The following GSG1L variants were observed in gnomAD, a reference collection of about 807,000 sequenced individuals.
GSG1L encodes the protein germ cell-specific gene 1-like protein.
In GSG1L, 24 loss-of-function variants were observed where a neutral mutation model predicts 42.1. That is an observed-to-expected ratio of 0.57 (90% CI 0.41 to 0.80). GSG1L has a LOEUF of 0.80. Among genes scored for constraint, GSG1L ranks in the 30% least tolerant of loss-of-function variants. GSG1L has a pLI of 0.00. For missense variants in GSG1L, 445 were observed against 472.2 expected (o/e 0.94, Z 0.53); for synonymous variants, 215 against 203.5 (o/e 1.06, Z -0.48).
chr16:27,848,307 G>A (rs1318567756), intron 3 of GSG1L, among the ~76,000 whole-genome samples: 1 of 152,164 alleles, frequency 6.6e-6, no homozygotes, highest in Non-Finnish European at 1.5e-5. Context: ...CATTCAATAA[G>A]TGTTTACTGA....
At chr16:27,988,865 T>C (rs372412819) in intron 1 of GSG1L, among the ~76,000 whole-genome samples, 26 of 151,304 alleles carry the variant, frequency 1.7e-4, no homozygotes, top group African/African-American at 5.8e-4. Flanking sequence ...CCATCCTGGC[T>C]AACATGGTGA....
At chr16:28,023,663 GCAT>G (rs568812352) in intron 1 of GSG1L, among the ~76,000 whole-genome samples, 141 of 152,290 alleles carry the variant, frequency 9.3e-4, no homozygotes, top group African/African-American at 3.1e-3. Context: ...GGAAAACAAT[GCAT>G]CATTATTGTC....
In GSG1L at chr16:27,817,886, C is replaced by T. The variant is rs568545037; in HGVS notation, c.831-10332G>A. On this transcript the variant is annotated intron_variant, in intron 5 of 6. Transcript: ENST00000447459. ...ACTGTTCTGTAAGGCCCTTTTCTCTCCTCTGGCCTTGGCTGGCCACATCCA... is the reference window on the plus strand; with the variant it reads ...ACTGTTCTGTAAGGCCCTTTTCTCTTCTCTGGCCTTGGCTGGCCACATCCA... 1.3e-3 allele frequency among the ~76,000 whole-genome samples: 201 copies of T among 152,358 alleles called. 1 individual carries two copies. Among genetic ancestry groups the T allele is most frequent in the African/African-American group, 4.7e-3 (195 of 41,584 alleles).
At position 27,986,571 on chromosome 16, in the gene GSG1L, A is replaced by G. The variant is rs554484698; in HGVS notation, c.350-23368T>C. On this transcript the variant is annotated intron_variant, in intron 1 of 6. Coordinates refer to ENST00000447459, the MANE Select transcript of GSG1L (RefSeq NM_001109763.2). ...CCTAGAGGCTATGGAAACACTTGCG[A>G]CAAAGGGATAAGACTCCTGCAGGGG... Among the ~76,000 whole-genome samples, 6 of 151,698 alleles carry G rather than the reference A, an allele frequency of 4.0e-5. No homozygotes were observed. In the South Asian group the frequency reaches 1.3e-3, roughly 32 times the overall value.
intron 1 of GSG1L, among the ~76,000 whole-genome samples, chr16:28,030,718 AGGGATAGGAT>A (rs992766493): frequency 7.0e-6 from 1 of 142,310 alleles, no homozygotes; most frequent in African/African-American, 2.6e-5. Context: ...TCGGGACCAT[AGGGATAGGAT>A]GGGATAGGAT....
intron 2 of GSG1L, among the ~76,000 whole-genome samples, chr16:27,957,239 C>T (rs1290026049): frequency 1.3e-5 from 2 of 152,116 alleles, no homozygotes; most frequent in Non-Finnish European, 1.5e-5. Flanking sequence ...CCCAGCTACT[C>T]GGGAGGCTGA....
intron 3 of GSG1L, chr16:27,850,630 G>A (rs1429595665): frequency 2.2e-6 from 1 of 455,268 alleles, no homozygotes; most frequent in Non-Finnish European, 4.4e-6. Context: ...TCAACTGCAA[G>A]AGGTTTAGAA....
At chr16:28,036,341 T>A (rs1415750572) in intron 1 of GSG1L, among the ~76,000 whole-genome samples, 1 of 152,170 alleles carries the variant, frequency 6.6e-6, no homozygotes, top group Non-Finnish European at 1.5e-5. Flanking sequence ...TTCCTACGAC[T>A]CCCTCTGTCA....
chr16:27,924,976 T>C (rs2084575064), intron 2 of GSG1L, among the ~76,000 whole-genome samples: 1 of 152,136 alleles, frequency 6.6e-6, no homozygotes, highest in South Asian at 2.1e-4. Context: ...CCAATCACTG[T>C]CAAGGGAATG....
At chr16:27,965,036 T>G (rs1368050269) in intron 1 of GSG1L, among the ~76,000 whole-genome samples, 1 of 152,190 alleles carries the variant, frequency 6.6e-6, no homozygotes, top group Non-Finnish European at 1.5e-5. Flanking sequence ...TTATTTTATT[T>G]GAGACAAAGT....
At chr16:27,950,727 C>T (rs1242195767) in intron 2 of GSG1L, among the ~76,000 whole-genome samples, 1 of 152,168 alleles carries the variant, frequency 6.6e-6, no homozygotes, top group Non-Finnish European at 1.5e-5. Context: ...TTCCACCCTT[C>T]AGTCACTTAG....
At chr16:27,842,070 C>T (rs146666872) in intron 4 of GSG1L, among the ~76,000 whole-genome samples, 425 of 150,360 alleles carry the variant, frequency 2.8e-3, no homozygotes, top group African/African-American at 0.01. Flanking sequence ...AGCACGATGT[C>T]GCGCGTGCCG....
intron 1 of GSG1L, among the ~76,000 whole-genome samples, chr16:28,051,983 C>T (rs1054361373): frequency 7.2e-5 from 11 of 151,988 alleles, no homozygotes; most frequent in Non-Finnish European, 1.6e-4. Flanking sequence ...AGGCTCAGAC[C>T]AGGGGGGCGG....
intron 2 of GSG1L, among the ~76,000 whole-genome samples, chr16:27,961,212 G>A (rs1256930661): frequency 1.3e-5 from 2 of 152,214 alleles, no homozygotes; most frequent in Non-Finnish European, 2.9e-5. Context: ...CCACAGGCAT[G>A]CATGCGTGCA....
intron 6 of GSG1L, among the ~76,000 whole-genome samples, chr16:27,795,516 C>A (rs984981289): frequency 5.4e-4 from 82 of 152,302 alleles, no homozygotes; most frequent in Non-Finnish European, 4.3e-4. Flanking sequence ...CAGCAGGCAC[C>A]CTGCAGAGAA....
intron 1 of GSG1L, among the ~76,000 whole-genome samples, chr16:27,980,025 C>G (rs550366899): frequency 6.6e-5 from 10 of 152,218 alleles, no homozygotes; most frequent in African/African-American, 2.4e-4. Flanking sequence ...TGTCACTCCT[C>G]CCAAGGAGAG....
At chr16:28,022,298 A>G (rs778037596) in intron 1 of GSG1L, among the ~76,000 whole-genome samples, 4 of 151,956 alleles carry the variant, frequency 2.6e-5, no homozygotes, top group Non-Finnish European at 4.4e-5. Flanking sequence ...ATCGTAAATC[A>G]TCTTTTTTTA....
At chr16:28,057,827 A>G (rs2086296025) in intron 1 of GSG1L, among the ~76,000 whole-genome samples, 1 of 152,196 alleles carries the variant, frequency 6.6e-6, no homozygotes, top group Non-Finnish European at 1.5e-5. Context: ...ACTCCTACCC[A>G]AGGCCACACA....
At chr16:28,035,456 C>A (rs1276880331) in intron 1 of GSG1L, among the ~76,000 whole-genome samples, 1 of 152,162 alleles carries the variant, frequency 6.6e-6, no homozygotes, top group African/African-American at 2.4e-5. Context: ...TTACTATTTA[C>A]CATCTACTCA....
Sources: gnomAD v4.1 joint callset for allele counts (sites outside exome capture counted in the v4.1 genomes callset) on GRCh38, gnomAD v4.1.1 for gene constraint, MANE v1.5 for transcripts, NCBI Gene and HGNC (gene_info 2026-07-23, HGNC 2026-07-21) for gene names.